The following DENND2C variants were observed in gnomAD, a reference collection of about 807,000 sequenced individuals.
The protein encoded by DENND2C is DENN domain-containing protein 2C.
Under a neutral mutation model 112.4 loss-of-function variants are expected in DENND2C, and 72 were observed. The ratio of observed to expected loss-of-function variants is 0.64; its 90% CI spans 0.53 to 0.78. The LOEUF is 0.78. Ranked by LOEUF, DENND2C falls within the 30% of genes least tolerant of loss-of-function variation. The pLI is 0.00. For synonymous variants in DENND2C, 329 were observed against 381.6 expected (o/e 0.86, Z 1.61); for missense variants, 992 against 1,113.8 (o/e 0.89, Z 1.56).
chr1:114,669,384 T>C (rs757373800), intron 1 of DENND2C, among the ~76,000 whole-genome samples: 1 of 152,188 alleles, frequency 6.6e-6, no homozygotes, highest in Non-Finnish European at 1.5e-5. Flanking sequence ...GCCCTAGACT[T>C]GAGCCTTTTG....
intron 16 of DENND2C, 32 bp from the exon 17 acceptor site, chr1:114,595,905 C>A (rs1466267433): frequency 1.2e-6 from 2 of 1,602,294 alleles, no homozygotes; most frequent in South Asian, 2.2e-5. Context: ...CAAGTTCAAC[C>A]AGAGACATTC....
intron 1 of DENND2C, among the ~76,000 whole-genome samples, chr1:114,668,976 A>C (rs1233851651): frequency 6.6e-6 from 1 of 152,258 alleles, no homozygotes; most frequent in Non-Finnish European, 1.5e-5. Context: ...AACAGTGTAT[A>C]GATAACACCA....
rs372032418 is a variant in DENND2C, at chr1:114,658,638, C to T, written c.-573-3877G>A. On this transcript the variant is annotated intron_variant, in intron 1 of 20. Transcript: ENST00000393274. ...GAAACATTTTAAAGTTGGGGAAAATCGATATTTTTTAAAACTGCAGCAAAA... is the reference window on the plus strand; with the variant it reads ...GAAACATTTTAAAGTTGGGGAAAATTGATATTTTTTAAAACTGCAGCAAAA... 1.2e-3 allele frequency among the ~76,000 whole-genome samples: 182 copies of T among 151,492 alleles called. 4 individuals are homozygous for T. The South Asian group carries it at 0.037, about 31-fold the overall frequency.
intron 11 of DENND2C, 72 bp from the exon 12 acceptor site, chr1:114,602,266 T>G: frequency 6.7e-7 from 1 of 1,498,034 alleles, no homozygotes; most frequent in South Asian, 1.2e-5. Context: ...AACAAACAAT[T>G]GAAAACTAGA....
intron 8 of DENND2C, among the ~76,000 whole-genome samples, chr1:114,611,351 C>T (rs574683936): frequency 2.6e-5 from 4 of 152,206 alleles, no homozygotes; most frequent in East Asian, 3.9e-4. Context: ...CTTCACTCCT[C>T]GGCTCCCCTC....
intron 8 of DENND2C, among the ~76,000 whole-genome samples, chr1:114,612,804 C>T (rs1225497790): frequency 6.6e-6 from 1 of 152,080 alleles, no homozygotes; most frequent in African/African-American, 2.4e-5. Context: ...AGGCATGAGC[C>T]ACCGCACCCA....
rs947621273 is a variant in DENND2C, at chr1:114,582,989, G to C, written c.*2611C>G. On this transcript the variant is annotated 3_prime_UTR_variant, in exon 21 of 21. Coordinates refer to ENST00000393274, the MANE Select transcript of DENND2C (RefSeq NM_001256404.2). ...GACCTAAGGAAATGAAGCAGCTTCA[G>C]GCTGCGAGGATGAAGACACCATTGC... The C allele has an allele frequency of 6.6e-6, 1 of 152,236 alleles. No individual in the cohort carries two copies. The highest frequency in any genetic ancestry group is 1.5e-5 in the Non-Finnish European group (1 of 68,052). 9.4% of individuals were successfully genotyped at this position (152,236 alleles called of 1,614,324 possible). A position where few individuals can be genotyped will look rare whatever the true frequency, so the allele number is the denominator to read the frequency against.
At chr1:114,661,106 C>CAAAAAAA (rs61417132) in intron 1 of DENND2C, among the ~76,000 whole-genome samples, 2 of 102,666 alleles carry the variant, frequency 1.9e-5, no homozygotes, top group Non-Finnish European at 2.0e-5. Flanking sequence ...GACTCCGTCT[C>CAAAAAAA]AAAAAAAAAA....
chr1:114,611,024 T>A (rs754982094), intron 9 of DENND2C, 49 bp downstream of exon 9: 22 of 1,608,964 alleles, frequency 1.4e-5, no homozygotes, highest in Non-Finnish European at 1.9e-5. Flanking sequence ...CCACTCCACC[T>A]AACCCATGAT....
At chr1:114,637,018 G>A (rs928675917) in intron 3 of DENND2C, among the ~76,000 whole-genome samples, 1 of 151,652 alleles carries the variant, frequency 6.6e-6, no homozygotes, top group Non-Finnish European at 1.5e-5. Context: ...GTCAAGGCAG[G>A]CAGATCACTT....
At chr1:114,631,690 G>A (rs1656494364) in intron 3 of DENND2C, among the ~76,000 whole-genome samples, 1 of 152,174 alleles carries the variant, frequency 6.6e-6, no homozygotes, top group Non-Finnish European at 1.5e-5. Flanking sequence ...ACTGAGGCAG[G>A]AGAATGGCCA....
intron 18 of DENND2C, among the ~76,000 whole-genome samples, chr1:114,590,382 C>A (rs544178700): frequency 1.3e-5 from 2 of 152,096 alleles, no homozygotes; most frequent in South Asian, 2.1e-4. Flanking sequence ...CAGAATGAAA[C>A]CTTATCTCAA....
At chr1:114,633,010 A>G (rs1656537791) in intron 3 of DENND2C, among the ~76,000 whole-genome samples, 1 of 152,150 alleles carries the variant, frequency 6.6e-6, no homozygotes, top group Non-Finnish European at 1.5e-5. Context: ...TAATCTCTTT[A>G]GAAGATGACT....
At chr1:114,649,560 T>C (rs564190890) in intron 2 of DENND2C, among the ~76,000 whole-genome samples, 157 of 152,174 alleles carry the variant, frequency 1.0e-3, no homozygotes, top group South Asian at 5.0e-3. Context: ...TTTTTTTAAA[T>C]AGAGACAGGG....
chr1:114,636,734 T>C (rs907187982), intron 3 of DENND2C, among the ~76,000 whole-genome samples: 1 of 151,052 alleles, frequency 6.6e-6, no homozygotes, highest in East Asian at 1.9e-4. Flanking sequence ...ATAGAGATTG[T>C]AAAAGAAGTA....
At chr1:114,589,804 A>G (rs893275800) in intron 18 of DENND2C, among the ~76,000 whole-genome samples, 1 of 152,198 alleles carries the variant, frequency 6.6e-6, no homozygotes, top group East Asian at 1.9e-4. Context: ...TGAATATTTT[A>G]TAACATCACA....
chr1:114,599,087 T>G (rs1001460628), intron 16 of DENND2C, among the ~76,000 whole-genome samples, 187 bp downstream of exon 16: 7 of 152,202 alleles, frequency 4.6e-5, no homozygotes, highest in African/African-American at 1.7e-4. Flanking sequence ...TGGATTTATG[T>G]GTACTATCGA....
At chr1:114,599,169 A>C in intron 16 of DENND2C, 105 bp downstream of exon 16, 1 of 742,238 alleles carries the variant, frequency 1.3e-6, no homozygotes, top group Non-Finnish European at 2.0e-6. Flanking sequence ...TATTATAAAT[A>C]GCATAAAATA....
chr1:114,588,311 C>T (rs1655098765), intron 18 of DENND2C, among the ~76,000 whole-genome samples: 1 of 152,174 alleles, frequency 6.6e-6, no homozygotes, highest in African/African-American at 2.4e-5. Context: ...GTGCTAACTA[C>T]CTCCTCATTT....
Sources: allele counts gnomAD v4.1 joint callset (sites outside exome capture counted in the v4.1 genomes callset), GRCh38; gene constraint gnomAD v4.1.1; transcripts MANE v1.5; gene names NCBI Gene and HGNC (gene_info 2026-07-23, HGNC 2026-07-21).